Variants in MARF1 observed in about 807,000 individuals in gnomAD.
MARF1 encodes the protein meiosis regulator and mRNA stability factor 1.
Under a neutral mutation model 168.2 loss-of-function variants are expected in MARF1, and 24 were observed. The observed-to-expected ratio is 0.14, with a 90% CI of 0.10 to 0.20. MARF1 has a LOEUF of 0.20. MARF1 is among the 10% of genes least tolerant of loss of function. The pLI is 1.00. For missense variants in MARF1, 1,744 were observed against 2,143.6 expected (o/e 0.81, Z 3.68); for synonymous variants, 868 against 822.4 (o/e 1.06, Z -0.95).
intron 23 of MARF1, chr16:15,601,682 C>A (rs566019610): frequency 4.4e-6 from 2 of 456,086 alleles, no homozygotes; most frequent in Non-Finnish European, 8.0e-6. Flanking sequence ...CTCCTCAGCG[C>A]GCCCACTGCC....
At chr16:15,629,036 CTTTT>C (rs35295986) in intron 7 of MARF1, among the ~76,000 whole-genome samples, 1 of 138,596 alleles carries the variant, frequency 7.2e-6, no homozygotes. Context: ...ACTACATTTA[CTTTT>C]TTTTTTTTTT....
In MARF1 at chr16:15,596,873, C is replaced by T. The variant is rs748930126; in HGVS notation, c.5049G>A (p.Leu1683=). 3 of 1,613,694 alleles carry T rather than the reference C, an allele frequency of 1.9e-6. No individual in the cohort carries two copies. Among genetic ancestry groups the T allele is most frequent in the Non-Finnish European group, 2.5e-6 (3 of 1,179,810 alleles). ...EIPIPGKSKT[L]TSDSSSSCIS... Reference sequence around the variant, plus strand: ...TGCAGGACGAGCTGGAGTCAGAGGTCAGAGTTTTGCTCTTTCCTGGTATTG... The same window carrying T: ...TGCAGGACGAGCTGGAGTCAGAGGTTAGAGTTTTGCTCTTTCCTGGTATTG... Residue 1683 remains leucine (L), a synonymous_variant, in exon 27 of 27, where the codon CTG becomes CTA. Transcript: ENST00000396368.
intron 21 of MARF1, chr16:15,605,929 C>T (rs1170519671): frequency 2.7e-5 from 4 of 148,674 alleles, no homozygotes; most frequent in African/African-American, 9.7e-5. Context: ...AACTGAACAC[C>T]CAGGGACCTG....
rs770720625 is a variant in MARF1, at chr16:15,604,409, C to G, written c.4183-11G>C. 3 of 1,590,952 alleles carry G rather than the reference C, an allele frequency of 1.9e-6. No individual in the cohort carries two copies. Among genetic ancestry groups the G allele is most frequent in the Non-Finnish European group, 2.6e-6 (3 of 1,159,046 alleles). ...TTCTATATCGGCAACCTGGGGAAAA[C>G]GAGAATTCACACTTTTCAGAGCTCA... is the stretch of plus-strand genomic sequence containing the variant. On this transcript the variant is annotated splice_polypyrimidine_tract_variant and intron_variant, in intron 21 of 26. Coordinates refer to ENST00000396368, the MANE Select transcript of MARF1 (RefSeq NM_014647.4).
intron 22 of MARF1, 28 bp downstream of exon 22, chr16:15,604,137 GATA>G (rs1458410540): frequency 1.4e-6 from 2 of 1,481,068 alleles, no homozygotes; most frequent in Non-Finnish European, 1.9e-6. Context: ...AGTTTTCAAT[GATA>G]GTTCTAAAGA....
chr16:15,641,821 A>G (rs904169059), intron 1 of MARF1, among the ~76,000 whole-genome samples: 4 of 152,234 alleles, frequency 2.6e-5, no homozygotes, highest in Admixed American at 2.6e-4. Flanking sequence ...AGCGATTAAA[A>G]GTAAAAACTT....
At position 15,622,947 on chromosome 16, in the gene MARF1, G is replaced by C; in HGVS notation, c.2447C>G (p.Ala816Gly). ...ELQQLLQEAF[A>G]RHGKVKSVEL... ...GGAAAAAGTTACCTTGCCATGCCTG[G>C]CAAATGCTTCCTGCAGGAGCTGCTG... Residue 816 changes from alanine (A) to glycine (G), a missense_variant, in exon 11 of 27, where the codon GCC becomes GGC. By Grantham distance (60) the Ala-to-Gly change is moderately conservative (BLOSUM62 0). Transcript: ENST00000396368. 1 of 1,572,702 alleles carries C rather than the reference G, an allele frequency of 6.4e-7. No individual in the cohort carries two copies. The highest frequency in any genetic ancestry group is 8.7e-7 in the Non-Finnish European group (1 of 1,150,180).
intron 4 of MARF1, among the ~76,000 whole-genome samples, chr16:15,634,262 G>A (rs1567586869): frequency 6.6e-6 from 1 of 152,222 alleles, no homozygotes; most frequent in Non-Finnish European, 1.5e-5. Flanking sequence ...GACAAAGGGT[G>A]AAGCTGTTAC....
chr16:15,629,467 G>A (rs1452129726), intron 7 of MARF1, among the ~76,000 whole-genome samples: 1 of 152,154 alleles, frequency 6.6e-6, no homozygotes, highest in East Asian at 1.9e-4. Flanking sequence ...AATCACCAAT[G>A]ACACGTTTAC....
chr16:15,632,369 C>T (rs919394110), intron 5 of MARF1, among the ~76,000 whole-genome samples: 3 of 152,278 alleles, frequency 2.0e-5, no homozygotes, highest in Admixed American at 1.3e-4. Flanking sequence ...TTGTTGTTTT[C>T]TGTTTTGTTT....
At chr16:15,629,310 C>T (rs1294577930) in intron 7 of MARF1, among the ~76,000 whole-genome samples, 1 of 152,050 alleles carries the variant, frequency 6.6e-6, no homozygotes, top group African/African-American at 2.4e-5. Context: ...CTGGGTAAGC[C>T]TCTGGTATCC....
chr16:15,621,107 A>C (rs1205179367), intron 12 of MARF1, among the ~76,000 whole-genome samples: 1 of 114,546 alleles, frequency 8.7e-6, no homozygotes. Flanking sequence ...AACAACAACA[A>C]AAAAAAAACC....
intron 21 of MARF1, among the ~76,000 whole-genome samples, 162 bp downstream of exon 21, chr16:15,608,129 A>G (rs1207534003): frequency 1.3e-5 from 2 of 152,192 alleles, no homozygotes; most frequent in African/African-American, 2.4e-5. Flanking sequence ...ATTACCTAAT[A>G]AGCACTAATG....
intron 21 of MARF1, among the ~76,000 whole-genome samples, 159 bp from the exon 22 acceptor site, chr16:15,604,557 C>T (rs750192331): frequency 1.1e-4 from 16 of 152,110 alleles, no homozygotes; most frequent in South Asian, 2.1e-4. Context: ...TTGTTTTTAG[C>T]GTCTTTGGGA....
At chr16:15,639,396 T>C in intron 1 of MARF1, 105 bp from the exon 2 acceptor site, 1 of 731,226 alleles carries the variant, frequency 1.4e-6, no homozygotes, top group Admixed American at 2.9e-5. Flanking sequence ...CCTATGGCTC[T>C]CAACAATTCA....
At chr16:15,601,765 G>C in intron 23 of MARF1, 1 of 595,490 alleles carries the variant, frequency 1.7e-6, no homozygotes. Flanking sequence ...TAGAGTTACA[G>C]CCTGAAACTT....
intron 7 of MARF1, among the ~76,000 whole-genome samples, chr16:15,627,037 GAA>G (rs397948472): frequency 1.3e-5 from 2 of 151,084 alleles, no homozygotes; most frequent in Non-Finnish European, 2.9e-5. Flanking sequence ...GAGAGAGAGA[GAA>G]AGAACGAACA....
At chr16:15,617,886 C>G (rs2034181986) in intron 13 of MARF1, among the ~76,000 whole-genome samples, 1 of 152,192 alleles carries the variant, frequency 6.6e-6, no homozygotes, top group Non-Finnish European at 1.5e-5. Flanking sequence ...CATCCCCATT[C>G]TCCCCTCTCA....
chr16:15,624,142 A>T (rs1005737585), intron 10 of MARF1, among the ~76,000 whole-genome samples: 3 of 151,492 alleles, frequency 2.0e-5, no homozygotes, highest in African/African-American at 7.3e-5. Flanking sequence ...GATGGTCTTG[A>T]TCTCCTAACC....
Sources: allele counts gnomAD v4.1 joint callset (sites outside exome capture counted in the v4.1 genomes callset), GRCh38; gene constraint gnomAD v4.1.1; transcripts MANE v1.5; gene names NCBI Gene and HGNC (gene_info 2026-07-23, HGNC 2026-07-21).